DRC5: variants seen among roughly 807,000 people sequenced by gnomAD.
The protein encoded by DRC5 is T-complex-associated testis-expressed protein 1.
the DRC5 span, among the ~76,000 whole-genome samples, chr6:44,282,799 C>CTTTT: frequency 4.6e-4 from 48 of 105,230 alleles, no homozygotes; most frequent in African/African-American, 9.8e-4. Context: ...CCTTTTTTAT[C>CTTTT]TTTTTTTTTT....
At chr6:44,287,057 G>T in the DRC5 span, 2 of 327,820 alleles carry the variant, frequency 6.1e-6, no homozygotes, top group Non-Finnish European at 8.7e-6. Context: ...ACTGGGTGAT[G>T]ATAGTTGCTG....
At chr6:44,283,038 G>A in the DRC5 span, among the ~76,000 whole-genome samples, 5 of 151,944 alleles carry the variant, frequency 3.3e-5, no homozygotes, top group Non-Finnish European at 7.4e-5. Context: ...TCCTGACCTC[G>A]TGATCCACCC....
chr6:44,291,652 C>T, the DRC5 span, among the ~76,000 whole-genome samples: 3 of 152,214 alleles, frequency 2.0e-5, no homozygotes, highest in Non-Finnish European at 4.4e-5. Flanking sequence ...CCGCCATGGT[C>T]GTCCACTCAT....
chr6:44,282,397 G>A, the DRC5 span: 28 of 1,614,006 alleles, frequency 1.7e-5, no homozygotes, highest in African/African-American at 1.6e-4. Flanking sequence ...TTGAGCACAC[G>A]CAGGCGGCTG....
the DRC5 span, chr6:44,286,155 C>G: frequency 7.4e-6 from 12 of 1,613,732 alleles, no homozygotes; most frequent in Non-Finnish European, 1.0e-5. Context: ...TCCTCCATCT[C>G]TCCCTCGCTG....
the DRC5 span, among the ~76,000 whole-genome samples, chr6:44,295,472 T>C: frequency 2.0e-5 from 3 of 152,278 alleles, no homozygotes; most frequent in African/African-American, 7.2e-5. Flanking sequence ...TCCAGGGTCC[T>C]GAAATCACAC....
chr6:44,290,742 C>T, the DRC5 span, among the ~76,000 whole-genome samples: 1 of 152,298 alleles, frequency 6.6e-6, no homozygotes, highest in East Asian at 1.9e-4. Context: ...GCAGGGGGAG[C>T]CCCAGGTTGC....
the DRC5 span, chr6:44,286,513 C>T: frequency 6.2e-7 from 1 of 1,613,016 alleles, no homozygotes; most frequent in African/African-American, 1.3e-5. Context: ...CCGGGAGCAT[C>T]TGCTTCAGGA....
chr6:44,288,395 C>T, the DRC5 span, among the ~76,000 whole-genome samples: 1 of 152,112 alleles, frequency 6.6e-6, no homozygotes, highest in Non-Finnish European at 1.5e-5. Flanking sequence ...AATTGACTTG[C>T]CCAATGTCAT....
At chr6:44,287,505 C>G in the DRC5 span, 140 of 1,562,360 alleles carry the variant, frequency 9.0e-5, no homozygotes, top group Admixed American at 1.6e-3. Flanking sequence ...ACCTAGCCCC[C>G]CTCTTGGCCT....
At chr6:44,286,384 G>A in the DRC5 span, 8 of 1,614,094 alleles carry the variant, frequency 5.0e-6, no homozygotes, top group Non-Finnish European at 5.1e-6. Flanking sequence ...GGGCCACGTG[G>A]CACACGGGCC....
the DRC5 span, chr6:44,287,982 G>A: frequency 2.2e-6 from 2 of 892,974 alleles, no homozygotes; most frequent in Non-Finnish European, 3.3e-6. Context: ...TTTACTAAGA[G>A]AGGTGGTACA....
chr6:44,296,969 C>T, the DRC5 span, among the ~76,000 whole-genome samples: 5 of 152,290 alleles, frequency 3.3e-5, no homozygotes, highest in African/African-American at 1.2e-4. Context: ...TGGGTGAAAC[C>T]GCCAGTTCAC....
At chr6:44,281,038 T>C in the DRC5 span, among the ~76,000 whole-genome samples, 287 of 149,500 alleles carry the variant, frequency 1.9e-3, no homozygotes, top group South Asian at 4.3e-3. Flanking sequence ...TGTGTGTGTG[T>C]GCGCGCATGC....
the DRC5 span, among the ~76,000 whole-genome samples, chr6:44,282,799 CTTT>C: frequency 9.5e-6 from 1 of 105,234 alleles, no homozygotes; most frequent in African/African-American, 3.6e-5. Flanking sequence ...CCTTTTTTAT[CTTT>C]TTTTTTTTTT....
At chr6:44,281,005 G>T in the DRC5 span, among the ~76,000 whole-genome samples, 1 of 151,392 alleles carries the variant, frequency 6.6e-6, no homozygotes, top group Non-Finnish European at 1.5e-5. Flanking sequence ...GCAGTCAACA[G>T]CACCCCCTCT....
the DRC5 span, among the ~76,000 whole-genome samples, chr6:44,296,689 C>T: frequency 6.6e-6 from 1 of 152,222 alleles, no homozygotes; most frequent in African/African-American, 2.4e-5. Context: ...GACAGCGCCT[C>T]TGTGCCCGGG....
the DRC5 span, among the ~76,000 whole-genome samples, chr6:44,280,886 A>G: frequency 0.89 from 135,330 of 152,212 alleles, 61,332 homozygotes; most frequent in East Asian, 1. Flanking sequence ...AGCAGAGGGT[A>G]GCACTGAACC....
chr6:44,284,385 C>T, the DRC5 span, among the ~76,000 whole-genome samples: 1 of 152,080 alleles, frequency 6.6e-6, no homozygotes, highest in East Asian at 1.9e-4. Flanking sequence ...TGCCAGGCCT[C>T]TTGTTGTCTT....
Sources: gnomAD v4.1 joint callset for allele counts (sites outside exome capture counted in the v4.1 genomes callset) on GRCh38, gnomAD v4.1.1 for gene constraint, MANE v1.5 for transcripts, NCBI Gene and HGNC (gene_info 2026-07-23, HGNC 2026-07-21) for gene names.